Variants in PPFIA1 observed in about 807,000 individuals in gnomAD.
PPFIA1 encodes the protein PPFI scaffold protein A1.
A neutral mutation model predicts 149.9 loss-of-function variants in PPFIA1; 25 were observed. That is an observed-to-expected ratio of 0.17 (90% confidence interval 0.12 to 0.23). The LOEUF is 0.23. PPFIA1 is among the 10% of genes least tolerant of loss of function. The pLI is 1.00. For missense variants in PPFIA1, 1,362 were observed against 1,506.5 expected, an observed-to-expected ratio of 0.90 and a Z score of 1.59; for synonymous variants, 549 against 552.8, an observed-to-expected ratio of 0.99 and a Z score of 0.10.
chr11:70,295,625 A>G (rs1591093200), intron 2 of PPFIA1, among the ~76,000 whole-genome samples: 1 of 110,070 alleles, frequency 9.1e-6, no homozygotes, highest in Non-Finnish European at 1.8e-5. Context: ...ACTTCCCAGT[A>G]GGGGCGGCCG....
chr11:70,349,487 A>G (rs746838132), intron 16 of PPFIA1, among the ~76,000 whole-genome samples: 79 of 152,228 alleles, frequency 5.2e-4, no homozygotes, highest in Middle Eastern at 3.4e-3. Flanking sequence ...AAACCAAACT[A>G]TCTTGTATAT....
At chr11:70,352,603 G>A (rs1242159838) in intron 16 of PPFIA1, among the ~76,000 whole-genome samples, 1 of 152,036 alleles carries the variant, frequency 6.6e-6, no homozygotes, top group African/African-American at 2.4e-5. Flanking sequence ...AGAGACTGTC[G>A]CCTTCCTTCT....
chr11:70,345,841 T>A lies in PPFIA1; in HGVS notation c.1931+1949T>A, dbSNP rs935793376. The A allele has an allele frequency of 1.8e-5, 4 of 217,150 alleles. No individual in the cohort carries two copies. The South Asian group carries it at 2.0e-4, about 11-fold the overall frequency. The allele number at this position is 217,150 out of a possible 1,614,324, so 13.5% of individuals were successfully genotyped here. A position where few individuals can be genotyped will look rare whatever the true frequency, so the allele number is the denominator to read the frequency against. On this transcript the variant is annotated intron_variant, in intron 15 of 27. Transcript: ENST00000253925. ...GATCTGTCTCAAAAAATATAAAAAT[T>A]AGGCCAGGCACTGTGATGAGTGTGC...
chr11:70,296,706 A>T (rs1397457000), intron 2 of PPFIA1, among the ~76,000 whole-genome samples: 1 of 126,128 alleles, frequency 7.9e-6, no homozygotes, highest in African/African-American at 3.0e-5. Flanking sequence ...GGGGAGCGGG[A>T]GACCATGGGG....
At chr11:70,276,864 C>G (rs191825347) in intron 2 of PPFIA1, among the ~76,000 whole-genome samples, 1 of 151,720 alleles carries the variant, frequency 6.6e-6, no homozygotes, top group East Asian at 1.9e-4. Context: ...TTTAATAATT[C>G]TTGATATCAG....
At chr11:70,342,935 C>CGTTTTTT (rs1565421266) in intron 14 of PPFIA1, among the ~76,000 whole-genome samples, 1 of 103,128 alleles carries the variant, frequency 9.7e-6, no homozygotes, top group African/African-American at 4.3e-5. Flanking sequence ...AAATGTACCA[C>CGTTTTTT]CTTTTTTTTT....
chr11:70,375,701 A>C (rs1046051152), intron 24 of PPFIA1: 1 of 151,810 alleles, frequency 6.6e-6, no homozygotes, highest in East Asian at 2.0e-4. Context: ...CAAGGCAGGG[A>C]GATTGCTTGG....
At chr11:70,372,878 G>A (rs992209671) in intron 23 of PPFIA1, among the ~76,000 whole-genome samples, 14 of 152,138 alleles carry the variant, frequency 9.2e-5, no homozygotes, top group East Asian at 1.9e-4. Context: ...CCTTCACTCC[G>A]AAATGCTGTT....
At chr11:70,322,461 A>C (rs914264201) in intron 2 of PPFIA1, among the ~76,000 whole-genome samples, 1 of 151,850 alleles carries the variant, frequency 6.6e-6, no homozygotes, top group Non-Finnish European at 1.5e-5. Flanking sequence ...GCCTCTCCCT[A>C]CCCTCCTCCC....
intron 17 of PPFIA1, among the ~76,000 whole-genome samples, chr11:70,354,653 G>A (rs2056258859): frequency 6.6e-6 from 1 of 152,114 alleles, no homozygotes; most frequent in South Asian, 2.1e-4. Context: ...ATGCATATCT[G>A]TTTGGGCAAG....
chr11:70,372,085 G>A (rs2057294019), intron 21 of PPFIA1, 130 bp from the exon 22 acceptor site: 2 of 754,612 alleles, frequency 2.7e-6, no homozygotes, highest in Non-Finnish European at 3.9e-6. Flanking sequence ...AAATTATTTT[G>A]CAATTATAAA....
intron 2 of PPFIA1, among the ~76,000 whole-genome samples, chr11:70,322,488 A>G (rs2054002011): frequency 6.6e-6 from 1 of 152,302 alleles, no homozygotes; most frequent in African/African-American, 2.4e-5. Flanking sequence ...TGCCCAGCCC[A>G]GGAGCCCGCT....
rs34038893 is a variant in PPFIA1 at position 70,277,058 on chromosome 11, A to ATTTT, written c.264+4623_264+4624insTTTT. ...TTGAGATATATATATATATATATAT[A>ATTTT]TATTTTTTTTTTTCCAGGCACAGTC... On this transcript the variant is annotated intron_variant, in intron 2 of 27. Coordinates refer to ENST00000253925, the MANE Select transcript of PPFIA1 (RefSeq NM_003626.5). Among the ~76,000 whole-genome samples, 499 of 52,498 alleles carry ATTTT rather than the reference A, an allele frequency of 9.5e-3. 3 individuals carry two copies. Among genetic ancestry groups the ATTTT allele is most frequent in the Non-Finnish European group, 0.013 (410 of 31,926 alleles). The allele number at this position is 52,498 out of a possible 152,430, so 34.4% of individuals were successfully genotyped here.
intron 2 of PPFIA1, among the ~76,000 whole-genome samples, chr11:70,299,819 G>A (rs931784786): frequency 2.0e-5 from 3 of 152,136 alleles, no homozygotes; most frequent in Non-Finnish European, 4.4e-5. Context: ...CGGGACCTCG[G>A]TGCCTGTGGT....
intron 21 of PPFIA1, among the ~76,000 whole-genome samples, chr11:70,370,403 T>C (rs1166763933): frequency 1.3e-5 from 2 of 151,948 alleles, no homozygotes; most frequent in Non-Finnish European, 2.9e-5. Context: ...TTTTTTAATT[T>C]TGAGACAGAG....
intron 2 of PPFIA1, among the ~76,000 whole-genome samples, chr11:70,298,286 AAGGCCTATGCAGG>A (rs1283964781): frequency 6.6e-6 from 1 of 152,184 alleles, no homozygotes; most frequent in Non-Finnish European, 1.5e-5. Flanking sequence ...TGAGTGGTAG[AAGGCCTATGCAGG>A]AGGCAGTAGT....
intron 1 of PPFIA1, among the ~76,000 whole-genome samples, chr11:70,271,690 C>T (rs1057154061): frequency 3.3e-5 from 5 of 152,204 alleles, no homozygotes; most frequent in Non-Finnish European, 7.4e-5. Context: ...GCACACATTC[C>T]TGCAAGATGC....
intron 21 of PPFIA1, among the ~76,000 whole-genome samples, chr11:70,368,926 C>T (rs966312746): frequency 6.7e-6 from 1 of 150,214 alleles, no homozygotes; most frequent in Non-Finnish European, 1.5e-5. Flanking sequence ...TCGTTTGTTC[C>T]TTATCTTAGG....
chr11:70,278,416 C>A (rs148812015), intron 2 of PPFIA1, among the ~76,000 whole-genome samples: 3 of 152,122 alleles, frequency 2.0e-5, no homozygotes, highest in African/African-American at 4.8e-5. Context: ...TTTGTAGCAG[C>A]GAATTCATTG....
Sources: gnomAD v4.1 joint callset for allele counts (sites outside exome capture counted in the v4.1 genomes callset) on GRCh38, gnomAD v4.1.1 for gene constraint, MANE v1.5 for transcripts, NCBI Gene and HGNC (gene_info 2026-07-23, HGNC 2026-07-21) for gene names.